The following STRBP variants were observed in gnomAD, a reference collection of about 807,000 sequenced individuals.
STRBP encodes spermatid perinuclear RNA binding protein.
STRBP carries 13 observed loss-of-function variants against 80.1 expected under a neutral mutation model. The ratio of observed to expected loss-of-function variants is 0.16; its 90% CI spans 0.11 to 0.26. The LOEUF is 0.26. Among genes scored for constraint, STRBP ranks in the 10% least tolerant of loss-of-function variants. The probability of loss-of-function intolerance (pLI) is 1.00; values close to 1 mark genes in which losing one functional copy is unlikely to be tolerated. For missense variants in STRBP, 485 were observed against 815.2 expected, an observed-to-expected ratio of 0.59 and a Z score of 4.93; for synonymous variants, 284 against 291.2, an observed-to-expected ratio of 0.98 and a Z score of 0.25.
chr9:123,199,347 G>A (rs1010928262), intron 2 of STRBP, among the ~76,000 whole-genome samples: 1 of 152,160 alleles, frequency 6.6e-6, no homozygotes, highest in Non-Finnish European at 1.5e-5. Flanking sequence ...TGCTTAGAAT[G>A]GCTTTGACTA....
At chr9:123,133,509 T>C (rs2036226653) in intron 16 of STRBP, among the ~76,000 whole-genome samples, 1 of 152,062 alleles carries the variant, frequency 6.6e-6, no homozygotes, top group Non-Finnish European at 1.5e-5. Context: ...CTGCTGTTTG[T>C]GTATGTATGT....
intron 17 of STRBP, among the ~76,000 whole-genome samples, chr9:123,131,104 T>C (rs1430009035): frequency 1.3e-5 from 2 of 152,236 alleles, no homozygotes; most frequent in Non-Finnish European, 2.9e-5. Context: ...TTCTTTATGC[T>C]AGAACCATTT....
At chr9:123,243,265 C>CAAAAAAAAAAAAAAAAAAA (rs1160280485) in intron 1 of STRBP, among the ~76,000 whole-genome samples, 1 of 78,952 alleles carries the variant, frequency 1.3e-5, no homozygotes, top group Non-Finnish European at 2.9e-5. Flanking sequence ...ATCAATAAGA[C>CAAAAAAAAAAAAAAAAAAA]AAAAAAAAAA....
At chr9:123,264,531 G>A (rs189966973) in intron 1 of STRBP, among the ~76,000 whole-genome samples, 2 of 152,152 alleles carry the variant, frequency 1.3e-5, no homozygotes, top group Non-Finnish European at 2.9e-5. Flanking sequence ...ATCTATCCCC[G>A]TATTTACGTA....
At chr9:123,198,582 A>G (rs2132502760) in intron 2 of STRBP, among the ~76,000 whole-genome samples, 1 of 152,024 alleles carries the variant, frequency 6.6e-6, no homozygotes, top group South Asian at 2.1e-4. Flanking sequence ...TTTCTTTTGC[A>G]GAAGCTTTTT....
chr9:123,171,501 C>T lies in STRBP; in HGVS notation c.391-1455G>A, dbSNP rs186501631. ...CAGGGCAGGAGGGGCGGAGGGTGCTCGGGGAGAAAGGTTTAATTGTAAAAG... is the reference window on the plus strand; with the variant it reads ...CAGGGCAGGAGGGGCGGAGGGTGCTTGGGGAGAAAGGTTTAATTGTAAAAG... On this transcript the variant is annotated intron_variant, in intron 5 of 18. Transcript: ENST00000348403. Among the ~76,000 whole-genome samples, 41 of 151,998 alleles carry T rather than the reference C, an allele frequency of 2.7e-4. No homozygotes were observed. In the East Asian group the frequency reaches 6.0e-3, roughly 22 times the overall value.
At chr9:123,201,631 C>T (rs1286311278) in intron 2 of STRBP, among the ~76,000 whole-genome samples, 2 of 152,090 alleles carry the variant, frequency 1.3e-5, no homozygotes, top group Non-Finnish European at 2.9e-5. Flanking sequence ...GATATAATTT[C>T]GATTTTTTAA....
chr9:123,137,356 A>C (rs1415415536), intron 14 of STRBP, among the ~76,000 whole-genome samples: 4 of 152,202 alleles, frequency 2.6e-5, no homozygotes, highest in African/African-American at 2.4e-5. Context: ...CCACACAAGA[A>C]ATGCTGAACA....
intron 2 of STRBP, among the ~76,000 whole-genome samples, chr9:123,202,860 T>G (rs1327916911): frequency 6.6e-6 from 1 of 152,104 alleles, no homozygotes; most frequent in East Asian, 1.9e-4. Context: ...AAAATTAAAA[T>G]TTAAAAATCT....
chr9:123,152,026 A>G (rs2037077787), intron 11 of STRBP, among the ~76,000 whole-genome samples: 3 of 152,190 alleles, frequency 2.0e-5, no homozygotes, highest in Admixed American at 6.5e-5. Flanking sequence ...GATCTTATAA[A>G]TTACTTTATT....
intron 6 of STRBP, among the ~76,000 whole-genome samples, chr9:123,166,058 T>C (rs1279417717): frequency 6.6e-6 from 1 of 152,194 alleles, no homozygotes; most frequent in Non-Finnish European, 1.5e-5. Context: ...TAAAAAATCA[T>C]CTACTACGTA....
intron 17 of STRBP, among the ~76,000 whole-genome samples, chr9:123,130,836 T>C (rs2036105528): frequency 6.6e-6 from 1 of 152,118 alleles, no homozygotes; most frequent in African/African-American, 2.4e-5. Context: ...TTTCTATATA[T>C]TCAATACACC....
At chr9:123,146,617 T>C (rs1313268465) in intron 13 of STRBP, among the ~76,000 whole-genome samples, 2 of 149,844 alleles carry the variant, frequency 1.3e-5, no homozygotes, top group Non-Finnish European at 3.0e-5. Context: ...GCTTCAAAAA[T>C]GTTCAATTGA....
chr9:123,170,180 T>A, intron 5 of STRBP, 134 bp from the exon 6 acceptor site: 1 of 750,952 alleles, frequency 1.3e-6, no homozygotes, highest in Middle Eastern at 4.0e-4. Flanking sequence ...AGAAAGCCTG[T>A]AACTAGTTCT....
intron 4 of STRBP, 121 bp downstream of exon 4, chr9:123,178,886 A>G (rs2038335281): frequency 1.3e-6 from 1 of 766,722 alleles, no homozygotes; most frequent in African/African-American, 1.7e-5. Flanking sequence ...TTCCTTGGTT[A>G]TAGTCTCACA....
chr9:123,262,299 A>C (rs940109351), intron 1 of STRBP, among the ~76,000 whole-genome samples: 1 of 151,998 alleles, frequency 6.6e-6, no homozygotes, highest in Non-Finnish European at 1.5e-5. Context: ...AAAAAAATAG[A>C]GACAGAGCCC....
At chr9:123,147,410 T>G (rs1218221813) in intron 12 of STRBP, among the ~76,000 whole-genome samples, 2 of 152,118 alleles carry the variant, frequency 1.3e-5, no homozygotes, top group Admixed American at 1.3e-4. Context: ...GCACAGTCGC[T>G]CATATCTGTA....
At chr9:123,177,826 G>A (rs544988615) in intron 4 of STRBP, among the ~76,000 whole-genome samples, 2 of 152,270 alleles carry the variant, frequency 1.3e-5, no homozygotes, top group Non-Finnish European at 2.9e-5. Context: ...TTTTTAACAT[G>A]ACATAAACAT....
At chr9:123,201,134 A>C (rs2039311234) in intron 2 of STRBP, among the ~76,000 whole-genome samples, 2 of 152,032 alleles carry the variant, frequency 1.3e-5, no homozygotes, top group African/African-American at 2.4e-5. Flanking sequence ...TTCTTGATTA[A>C]TCTAGCTCAT....
Sources: allele counts gnomAD v4.1 joint callset (sites outside exome capture counted in the v4.1 genomes callset), GRCh38; gene constraint gnomAD v4.1.1; transcripts MANE v1.5; gene names NCBI Gene and HGNC (gene_info 2026-07-23, HGNC 2026-07-21).